The following GIGYF2 variants were observed in gnomAD, a reference collection of about 807,000 sequenced individuals.
GIGYF2 encodes GRB10-interacting GYF protein 2.
Under a neutral mutation model 208.1 loss-of-function variants are expected in GIGYF2, and 25 were observed. That is an observed-to-expected ratio of 0.12 (90% CI 0.09 to 0.17). GIGYF2 has a LOEUF of 0.17. Among genes scored for constraint, GIGYF2 ranks in the 10% least tolerant of loss-of-function variants. The pLI, the probability that GIGYF2 is intolerant of heterozygous loss-of-function variation, is 1.00. For synonymous variants in GIGYF2, 534 were observed against 543.8 expected, an observed-to-expected ratio of 0.98 and a Z score of 0.25; for missense variants, 1,302 against 1,579.4, an observed-to-expected ratio of 0.82 and a Z score of 2.98.
intron 10 of GIGYF2, 37 bp downstream of exon 10, chr2:232,790,952 A>C: frequency 6.2e-7 from 1 of 1,611,998 alleles, no homozygotes; most frequent in Non-Finnish European, 8.5e-7. Context: ...ACCAGCATTA[A>C]CCTTATACCA....
At chr2:232,730,106 TGATGGCACATACCCCTCG>T in intron 2 of GIGYF2, 1 of 1,353,222 alleles carries the variant, frequency 7.4e-7, no homozygotes, top group South Asian at 1.2e-5. Flanking sequence ...CATCTGCTTG[TGATGGCACATACCCCTCG>T]ATGTAGCTCT....
Position 232,760,601 on chromosome 2 carries a change from T to A in GIGYF2, c.491+10T>A, listed in dbSNP as rs763370195. On this transcript the variant is annotated intron_variant, in intron 7 of 28. Transcript: ENST00000373563. ...AGAGCTGGGAGGAAAGGTAACTGGA[T>A]CCACATATTGGCATAAAAATTTCTT... The A allele has an allele frequency of 2.5e-5, 38 of 1,547,142 alleles. No homozygotes were observed. The South Asian group carries it at 3.8e-4, about 15-fold the overall frequency.
chr2:232,782,571 A>G (rs1489102082), intron 8 of GIGYF2: 1 of 152,206 alleles, frequency 6.6e-6, no homozygotes, highest in East Asian at 1.9e-4. Flanking sequence ...CAGTAGCATA[A>G]GAGTAATACC....
chr2:232,785,456 G>A (rs1332147026), intron 8 of GIGYF2, among the ~76,000 whole-genome samples: 1 of 152,178 alleles, frequency 6.6e-6, no homozygotes, highest in Non-Finnish European at 1.5e-5. Context: ...TCTTTGCCAT[G>A]CAAGCTTCTC....
intron 14 of GIGYF2, among the ~76,000 whole-genome samples, chr2:232,799,471 GC>G (rs1343137230): frequency 3.3e-5 from 5 of 151,788 alleles, no homozygotes; most frequent in African/African-American, 1.2e-4. Flanking sequence ...GATCACTTGA[GC>G]CCAGGAGTTG....
intron 18 of GIGYF2, among the ~76,000 whole-genome samples, chr2:232,814,379 G>A (rs1700838399): frequency 6.6e-6 from 1 of 151,870 alleles, no homozygotes; most frequent in Non-Finnish European, 1.5e-5. Context: ...TGGCCAAGAT[G>A]GTGAAACCCC....
intron 27 of GIGYF2, 101 bp downstream of exon 27, chr2:232,847,672 A>G (rs1702066441): frequency 1.3e-6 from 2 of 1,487,748 alleles, no homozygotes; most frequent in Admixed American, 1.8e-5. Flanking sequence ...CCATTTTTGT[A>G]TATCCAATAA....
At chr2:232,708,460 G>GA (rs998084817) in intron 2 of GIGYF2, among the ~76,000 whole-genome samples, 76 of 149,962 alleles carry the variant, frequency 5.1e-4, no homozygotes, top group African/African-American at 1.2e-3. Context: ...CAAGGAACTG[G>GA]AAAAAAAAAG....
chr2:232,836,319 T>C (rs12988291), intron 22 of GIGYF2, among the ~76,000 whole-genome samples: 3 of 23,726 alleles, frequency 1.3e-4, no homozygotes, highest in Admixed American at 6.4e-4. Context: ...TATATATATA[T>C]ATATATATAT....
intron 2 of GIGYF2, among the ~76,000 whole-genome samples, chr2:232,715,031 G>C (rs770634696): frequency 1.3e-5 from 2 of 152,042 alleles, no homozygotes; most frequent in Non-Finnish European, 2.9e-5. Flanking sequence ...GAGAACATGC[G>C]GTATTTGGTT....
At chr2:232,771,713 A>G (rs1375771951) in intron 8 of GIGYF2, among the ~76,000 whole-genome samples, 1 of 152,216 alleles carries the variant, frequency 6.6e-6, no homozygotes, top group African/African-American at 2.4e-5. Context: ...GGTGTCAAGC[A>G]TTTATTGATT....
intron 2 of GIGYF2, among the ~76,000 whole-genome samples, chr2:232,721,584 G>A (rs1408379622): frequency 6.6e-6 from 1 of 152,120 alleles, no homozygotes; most frequent in African/African-American, 2.4e-5. Flanking sequence ...CTAGCTTGCT[G>A]TTGTTCCTTT....
chr2:232,822,383 A>G (rs1226033801), intron 21 of GIGYF2, among the ~76,000 whole-genome samples: 5 of 152,164 alleles, frequency 3.3e-5, no homozygotes, highest in Non-Finnish European at 7.4e-5. Context: ...TGGAATTTTA[A>G]AAGTTTATTT....
At chr2:232,809,867 A>T in intron 16 of GIGYF2, 56 bp downstream of exon 16, 1 of 985,910 alleles carries the variant, frequency 1.0e-6, no homozygotes, top group East Asian at 2.4e-5. Context: ...CTTTAAATAG[A>T]ATCTGCTCTC....
rs756298776 is a variant in GIGYF2 at position 232,845,871 on chromosome 2, G to T, written c.3445G>T (p.Ala1149Ser). The T allele has an allele frequency of 3.7e-6, 6 of 1,605,512 alleles. No individual in the cohort carries two copies. The South Asian group carries it at 6.6e-5, about 18-fold the overall frequency. The change falls in exon 26 of 29, where the codon GCA (alanine) becomes TCA (serine). Residue 1149 changes from alanine (A) to serine (S), a missense_variant. Physicochemically the swap from Ala to Ser is moderately conservative, Grantham distance 99 (BLOSUM62 1). Transcript: ENST00000373563. ...ACAGATGCTTCATGCCCTTAATACG[G>T]CAAATAACTTGGATGGTAAGAATTG... is the stretch of plus-strand genomic sequence containing the variant. ...CEQMLHALNT[A>S]NNLDVPTFVS...
intron 2 of GIGYF2, chr2:232,705,971 C>G (rs1035181326): frequency 5.9e-5 from 9 of 152,360 alleles, no homozygotes; most frequent in Non-Finnish European, 1.0e-4. Context: ...TCCCAAAGTG[C>G]TGGGATTACA....
intron 5 of GIGYF2, among the ~76,000 whole-genome samples, chr2:232,749,991 C>T (rs933740600): frequency 6.6e-6 from 1 of 151,988 alleles, no homozygotes; most frequent in African/African-American, 2.4e-5. Context: ...TCGAGACTAG[C>T]CTGGCCAACA....
chr2:232,791,511 G>A lies in GIGYF2; in HGVS notation c.1282+65G>A, dbSNP rs978401592. The A allele has an allele frequency of 4.3e-6, 6 of 1,395,616 alleles. No homozygotes were observed. The East Asian group carries it at 9.6e-5, about 22-fold the overall frequency. 86.5% of individuals were successfully genotyped at this position (1,395,616 alleles called of 1,614,324 possible). On this transcript the variant is annotated intron_variant, in intron 12 of 28. Transcript: ENST00000373563. ...TGCTGAGGCCAGTGATCACTGATAA[G>A]TTAGGCTTCTGCTTATGCCTCCTAG...
intron 3 of GIGYF2, among the ~76,000 whole-genome samples, chr2:232,744,168 GTGACTATAAGAAATGTTTAGTCT>G (rs1698064179): frequency 6.6e-6 from 1 of 152,068 alleles, no homozygotes; most frequent in Non-Finnish European, 1.5e-5. Context: ...AATAAATCTG[GTGACTATAAGAAATGTTTAGTCT>G]TGGGCATTGG....
Sources: gnomAD v4.1 joint callset for allele counts (sites outside exome capture counted in the v4.1 genomes callset) on GRCh38, gnomAD v4.1.1 for gene constraint, MANE v1.5 for transcripts, NCBI Gene and HGNC (gene_info 2026-07-23, HGNC 2026-07-21) for gene names.